Variants in CALD1 observed in about 807,000 individuals in gnomAD.
CALD1 encodes caldesmon.
A neutral mutation model predicts 99.9 loss-of-function variants in CALD1; 33 were observed. The observed-to-expected ratio is 0.33, with a 90% CI of 0.25 to 0.44. The LOEUF (loss-of-function observed/expected upper bound fraction) is 0.44. CALD1 is among the 20% of genes least tolerant of loss of function. CALD1 has a pLI of 1.00. For missense variants in CALD1, 861 were observed against 962.1 expected (o/e 0.89, Z 1.39); for synonymous variants, 310 against 325.0 (o/e 0.95, Z 0.50).
intron 9 of CALD1, among the ~76,000 whole-genome samples, chr7:134,953,154 T>C (rs1807487346): frequency 6.6e-6 from 1 of 152,188 alleles, no homozygotes; most frequent in Admixed American, 6.5e-5. Flanking sequence ...ATTCTTCTTT[T>C]GATTTTTTTT....
Position 134,933,209 on chromosome 7 carries a change from C to G in CALD1, c.440C>G (p.Thr147Ser). The G allele has an allele frequency of 6.2e-7, 1 of 1,609,866 alleles. No individual in the cohort carries two copies. Among genetic ancestry groups the G allele is most frequent in the Non-Finnish European group, 8.5e-7 (1 of 1,178,850 alleles). Reference protein sequence around the residue: ...MQNDTAENETTEKEEKSESRQ... With the variant: ...MQNDTAENETSEKEEKSESRQ... ...AATGACACAGCAGAAAATGAAACTA[C>G]CGAGAAGGAAGAAAAAAGTGAAAGT... Residue 147 changes from threonine (T) to serine (S), a missense_variant, in exon 5 of 15, where the codon ACC becomes AGC. Transcript: ENST00000361675.
chr7:134,869,331 T>G (rs1441338750), intron 3 of CALD1, among the ~76,000 whole-genome samples: 7 of 152,216 alleles, frequency 4.6e-5, no homozygotes, highest in Admixed American at 6.5e-5. Flanking sequence ...CTGTTCCTAT[T>G]TGCCATACAA....
intron 1 of CALD1, among the ~76,000 whole-genome samples, chr7:134,841,551 A>T (rs1417937949): frequency 2.0e-5 from 3 of 152,150 alleles, no homozygotes; most frequent in Middle Eastern, 3.2e-3. Flanking sequence ...TAATGTATGA[A>T]AGGAGCTCGT....
intron 1 of CALD1, among the ~76,000 whole-genome samples, chr7:134,780,457 C>T (rs545084910): frequency 6.6e-6 from 1 of 152,256 alleles, no homozygotes; most frequent in African/African-American, 2.4e-5. Flanking sequence ...GCACATTTAA[C>T]GTCCTACCAA....
At chr7:134,774,582 A>T in intron 1 of CALD1, among the ~76,000 whole-genome samples, 1 of 152,148 alleles carries the variant, frequency 6.6e-6, no homozygotes. Context: ...CGCTATCTGG[A>T]CTTCTAACTA....
At chr7:134,821,740 A>ACCTGG (rs1798791698) in intron 1 of CALD1, among the ~76,000 whole-genome samples, 1 of 151,412 alleles carries the variant, frequency 6.6e-6, no homozygotes. Flanking sequence ...GCACCACCAC[A>ACCTGG]CCTGGCTAAT....
chr7:134,843,419 C>T (rs530368312), intron 1 of CALD1, among the ~76,000 whole-genome samples: 1 of 152,342 alleles, frequency 6.6e-6, no homozygotes, highest in East Asian at 1.9e-4. Context: ...GTTAGTGACT[C>T]TGCCATTCAT....
intron 9 of CALD1, among the ~76,000 whole-genome samples, chr7:134,957,053 C>G (rs891326682): frequency 6.6e-6 from 1 of 152,042 alleles, no homozygotes; most frequent in Non-Finnish European, 1.5e-5. Context: ...TATGTCCAAC[C>G]CTGTTTCTCT....
chr7:134,856,384 G>C (rs1360456802), intron 2 of CALD1, among the ~76,000 whole-genome samples: 4 of 152,170 alleles, frequency 2.6e-5, no homozygotes, highest in Admixed American at 2.0e-4. Context: ...GTAGCCACGC[G>C]AGGCCTGGGA....
At chr7:134,769,889 C>T (rs1475253072) in intron 1 of CALD1, among the ~76,000 whole-genome samples, 1 of 152,138 alleles carries the variant, frequency 6.6e-6, no homozygotes. Flanking sequence ...CCTCCTGCCT[C>T]GGCCTCCCAA....
the CALD1 span, among the ~76,000 whole-genome samples, chr7:134,718,116 A>T: frequency 6.6e-5 from 10 of 152,190 alleles, no homozygotes; most frequent in African/African-American, 2.4e-4. Context: ...GAAAAATGGG[A>T]GAGCAGTTTT....
chr7:134,820,778 G>T (rs1266110206), intron 1 of CALD1, among the ~76,000 whole-genome samples: 1 of 152,162 alleles, frequency 6.6e-6, no homozygotes, highest in African/African-American at 2.4e-5. Context: ...AGGGGACATG[G>T]TGGGTAGCAA....
At chr7:134,950,003 G>C (rs901158900) in intron 8 of CALD1, among the ~76,000 whole-genome samples, 2 of 152,156 alleles carry the variant, frequency 1.3e-5, no homozygotes, top group Non-Finnish European at 2.9e-5. Flanking sequence ...GGCATGATGT[G>C]GCCCCTGGGC....
chr7:134,845,067 G>A (rs1337572412), intron 2 of CALD1, among the ~76,000 whole-genome samples: 2 of 152,052 alleles, frequency 1.3e-5, no homozygotes, highest in African/African-American at 2.4e-5. Flanking sequence ...TTTATTGCAC[G>A]TGGGCTTCCC....
intron 1 of CALD1, among the ~76,000 whole-genome samples, chr7:134,821,817 G>A (rs763980469): frequency 1.3e-4 from 19 of 151,982 alleles, no homozygotes; most frequent in Admixed American, 3.9e-4. Context: ...TCCTGAACTC[G>A]TGATCTGCCC....
At chr7:134,785,403 G>T (rs1797267589) in intron 1 of CALD1, among the ~76,000 whole-genome samples, 1 of 152,160 alleles carries the variant, frequency 6.6e-6, no homozygotes, top group African/African-American at 2.4e-5. Flanking sequence ...AAGCAGTCTT[G>T]AAGATTTAAT....
intron 1 of CALD1, among the ~76,000 whole-genome samples, chr7:134,829,236 GA>G (rs1799126765): frequency 1.3e-5 from 2 of 152,166 alleles, no homozygotes; most frequent in Non-Finnish European, 2.9e-5. Context: ...TGTACATGAA[GA>G]CAAAGAGCAG....
Position 134,934,072 on chromosome 7 carries a change from A to G in CALD1, c.1303A>G (p.Lys435Glu). 6.2e-7 allele frequency: 1 copy of G among 1,605,350 alleles called. No homozygotes were observed. The highest frequency in any genetic ancestry group is 8.5e-7 in the Non-Finnish European group (1 of 1,177,152). ...EDKLQTAVLK[K>E]QGEEKGTKVQ... ...TAAACTTCAGACAGCTGTCCTAAAG[A>G]AACAGGTACAGTAAACATTTTGCAC... The change falls in exon 5 of 15, where the codon AAA becomes GAA. Residue 435 changes from lysine to glutamate, a missense_variant. Lys to Glu is a moderately conservative substitution (Grantham distance 56, BLOSUM62 1). Coordinates refer to ENST00000361675, the MANE Select transcript of CALD1 (RefSeq NM_033138.4).
intron 3 of CALD1, among the ~76,000 whole-genome samples, chr7:134,884,610 G>A (rs765424603): frequency 1.1e-4 from 16 of 149,234 alleles, no homozygotes; most frequent in Non-Finnish European, 1.9e-4. Context: ...TCCAATTTCT[G>A]GTGCAGAACT....
Sources: gnomAD v4.1 joint callset for allele counts (sites outside exome capture counted in the v4.1 genomes callset) on GRCh38, gnomAD v4.1.1 for gene constraint, MANE v1.5 for transcripts, NCBI Gene and HGNC (gene_info 2026-07-23, HGNC 2026-07-21) for gene names.